Variants in RAB3B observed in about 807,000 individuals in gnomAD.
The protein encoded by RAB3B is ras-related protein Rab-3B.
A neutral mutation model predicts 20.5 loss-of-function variants in RAB3B; 11 were observed. That is an observed-to-expected ratio of 0.54 (90% CI 0.34 to 0.89). RAB3B has a LOEUF of 0.89. Ranked by LOEUF, RAB3B falls within the 40% of genes least tolerant of loss-of-function variation. The pLI is 0.02. For missense variants in RAB3B, 225 were observed against 280.9 expected, an observed-to-expected ratio of 0.80 and a Z score of 1.42; for synonymous variants, 99 against 106.3, an observed-to-expected ratio of 0.93 and a Z score of 0.42.
rs144598790 is a variant in RAB3B at position 51,912,303 on chromosome 1, T to G, written c.*7624A>C. ...GCAGGCTACTTTGCCCAGTTAATTT[T>G]TTGTATTTTTTGTAGAGACAGGGTT... On this transcript the variant is annotated 3_prime_UTR_variant, in exon 5 of 5. Transcript: ENST00000371655. The G allele has an allele frequency of 6.6e-5, 10 of 150,704 alleles. No individual in the cohort carries two copies. The highest frequency in any genetic ancestry group is 2.4e-4 in the African/African-American group (10 of 41,152). 9.3% of individuals were successfully genotyped at this position (150,704 alleles called of 1,614,324 possible).
At chr1:51,975,193 G>A (rs1325922110) in intron 2 of RAB3B, among the ~76,000 whole-genome samples, 3 of 152,158 alleles carry the variant, frequency 2.0e-5, no homozygotes, top group Non-Finnish European at 4.4e-5. Context: ...CAGCTCAGGT[G>A]ACAGAGTGAG....
At position 51,937,421 on chromosome 1, in the gene RAB3B, G is replaced by A. The variant is rs1684421080; in HGVS notation, c.229-9C>T. On this transcript the variant is annotated splice_polypyrimidine_tract_variant and intron_variant, in intron 2 of 4. Transcript: ENST00000371655. The stretch of plus-strand genomic sequence containing the variant: ...TCCTGCCCAGCTGTGTCCTGGGCAG[G>A]AAAAGAAAAGAAACAATCTCTTAGA... 2 of 1,538,440 alleles carry A rather than the reference G, an allele frequency of 1.3e-6. No individual in the cohort carries two copies. The highest frequency in any genetic ancestry group is 2.8e-5 in the African/African-American group (2 of 71,556).
At chr1:51,925,466 C>A (rs116044116) in intron 4 of RAB3B, among the ~76,000 whole-genome samples, 350 of 152,302 alleles carry the variant, frequency 2.3e-3, no homozygotes, top group African/African-American at 7.7e-3. Flanking sequence ...TGAAAGAGGT[C>A]TGATCAATTC....
rs1283299617 is a variant in RAB3B, at chr1:51,916,788, C to T, written c.*3139G>A. On this transcript the variant is annotated 3_prime_UTR_variant, in exon 5 of 5. Transcript: ENST00000371655. The stretch of plus-strand genomic sequence containing the variant: ...TCTGTTGCCTCAGAGACTGACTCGC[C>T]TTTCCTGAGCATTAGACATCCATCA... 1 of 152,230 alleles carries T rather than the reference C, an allele frequency of 6.6e-6. No homozygotes were observed. The highest frequency in any genetic ancestry group is 1.5e-5 in the Non-Finnish European group (1 of 68,038). 9.4% of individuals were successfully genotyped at this position (152,230 alleles called of 1,614,324 possible).
At chr1:51,962,650 C>T (rs951628738) in intron 2 of RAB3B, among the ~76,000 whole-genome samples, 1 of 152,220 alleles carries the variant, frequency 6.6e-6, no homozygotes, top group African/African-American at 2.4e-5. Flanking sequence ...ATCATCTTTT[C>T]TAACACTGTC....
At chr1:51,941,200 T>C (rs1935289) in intron 2 of RAB3B, among the ~76,000 whole-genome samples, 46,667 of 151,878 alleles carry the variant, frequency 0.31, 8,904 homozygotes, top group East Asian at 0.59. Context: ...GGGAGAGTTT[T>C]TGACAGTGAG....
At chr1:51,978,825 G>A (rs750495874) in intron 1 of RAB3B, among the ~76,000 whole-genome samples, 2 of 152,204 alleles carry the variant, frequency 1.3e-5, no homozygotes, top group Non-Finnish European at 2.9e-5. Flanking sequence ...CATGAGGCTG[G>A]TGGGTGTGGC....
chr1:51,940,233 C>A (rs1386974318), intron 2 of RAB3B, among the ~76,000 whole-genome samples: 2 of 152,140 alleles, frequency 1.3e-5, no homozygotes, highest in Admixed American at 6.5e-5. Context: ...CCTCAGGAAA[C>A]CTCAATAGAG....
chr1:51,938,020 TA>T (rs1175277709), intron 2 of RAB3B, among the ~76,000 whole-genome samples: 2 of 147,188 alleles, frequency 1.4e-5, no homozygotes, highest in Non-Finnish European at 3.0e-5. Flanking sequence ...TTTTTTTTTT[TA>T]AGACAAAGCC....
rs946833212 is a variant in RAB3B, at chr1:51,930,625, G to A, written c.472+2693C>T. On this transcript the variant is annotated intron_variant, in intron 4 of 4. Transcript: ENST00000371655. ...AACATATCTTGGAGGGTTTTAGAGG[G>A]ATTAAATTAGATGCATAATACTTTG... Among the ~76,000 whole-genome samples the A allele has an allele frequency of 3.3e-5, 5 of 152,186 alleles. No individual in the cohort carries two copies. The East Asian group carries it at 9.6e-4, about 29-fold the overall frequency.
chr1:51,967,240 G>A (rs1390088027), intron 2 of RAB3B, among the ~76,000 whole-genome samples: 1 of 152,092 alleles, frequency 6.6e-6, no homozygotes, highest in African/African-American at 2.4e-5. Flanking sequence ...TTGAACCCAG[G>A]AAGTGGAGGT....
intron 2 of RAB3B, among the ~76,000 whole-genome samples, chr1:51,938,197 T>A (rs1684438340): frequency 6.6e-6 from 1 of 151,948 alleles, no homozygotes; most frequent in Admixed American, 6.6e-5. Flanking sequence ...CCATGATTGA[T>A]AAGCATGCAG....
chr1:51,912,554 A>AAAATAT lies in RAB3B; in HGVS notation c.*7372_*7373insATATTT, dbSNP rs1491223921. On this transcript the variant is annotated 3_prime_UTR_variant, in exon 5 of 5. Transcript: ENST00000371655. Reference sequence around the variant, plus strand: ...AGACCGTCTCTATTAAAAAAAAAAAAATATATATATATATATATATATATA... The same window carrying AAAATAT: ...AGACCGTCTCTATTAAAAAAAAAAAAAAATATATATATATATATATATATATATATA... The AAAATAT allele has an allele frequency of 4.8e-3, 75 of 15,472 alleles. 1 individual carries two copies. The highest frequency in any genetic ancestry group is 8.8e-3 in the Non-Finnish European group (60 of 6,808). The allele number at this position is 15,472 out of a possible 1,614,324, so 1.0% of individuals were successfully genotyped here.
At chr1:51,963,222 A>T (rs1420652706) in intron 2 of RAB3B, among the ~76,000 whole-genome samples, 2 of 152,032 alleles carry the variant, frequency 1.3e-5, no homozygotes, top group Non-Finnish European at 2.9e-5. Context: ...TACTCAGACC[A>T]CTATGCTCTT....
Position 51,933,435 on chromosome 1 carries a change from G to A in RAB3B, c.355C>T (p.Gln119Ter). 1.2e-6 allele frequency: 2 copies of A among 1,611,854 alleles called. No homozygotes were observed. Among genetic ancestry groups the A allele is most frequent in the Non-Finnish European group, 1.7e-6 (2 of 1,178,232 alleles). The change falls in exon 4 of 5, where the codon CAG becomes TAG. Residue 119 changes from glutamine to a stop codon, truncating the protein, a stop_gained. Transcript: ENST00000371655. LOFTEE classifies it high-confidence loss of function. ...TTGTCCCAGGAGTAGGTCTTGATCT[G>A]AGTAGCCCTAAAATGAGATAGAAAG... ...SFNAVQDWATQIKTYSWDNAQ... is the reference protein window; with the variant it reads ...SFNAVQDWAT
intron 3 of RAB3B, among the ~76,000 whole-genome samples, chr1:51,935,053 C>A (rs556262396): frequency 6.6e-6 from 1 of 152,228 alleles, no homozygotes; most frequent in East Asian, 1.9e-4. Flanking sequence ...AGGGCAAGGA[C>A]CGGCCTATTC....
At chr1:51,983,865 C>G (rs2124319944) in intron 1 of RAB3B, among the ~76,000 whole-genome samples, 1 of 151,878 alleles carries the variant, frequency 6.6e-6, no homozygotes, top group Middle Eastern at 3.4e-3. Flanking sequence ...GAGGCTGAAG[C>G]ACAAAAATTG....
intron 2 of RAB3B, among the ~76,000 whole-genome samples, chr1:51,971,362 C>G (rs1235177829): frequency 7.9e-5 from 12 of 152,054 alleles, no homozygotes. Context: ...TTCCAAGACC[C>G]TCAGTGGATG....
intron 2 of RAB3B, among the ~76,000 whole-genome samples, chr1:51,953,419 C>T (rs1684666291): frequency 1.3e-5 from 2 of 152,180 alleles, no homozygotes; most frequent in Non-Finnish European, 1.5e-5. Flanking sequence ...CCCCAGATCA[C>T]AGCAAGCAAA....
Sources: allele counts gnomAD v4.1 joint callset (sites outside exome capture counted in the v4.1 genomes callset), GRCh38; gene constraint gnomAD v4.1.1; transcripts MANE v1.5; gene names NCBI Gene and HGNC (gene_info 2026-07-23, HGNC 2026-07-21).